The following PKNOX2 variants were observed in gnomAD, a reference collection of about 807,000 sequenced individuals.
The protein encoded by PKNOX2 is homeobox protein PKNOX2.
A neutral mutation model predicts 53.1 loss-of-function variants in PKNOX2; 14 were observed. The ratio of observed to expected loss-of-function variants is 0.26; its 90% CI spans 0.17 to 0.41. The LOEUF is 0.41. Among genes scored for constraint, PKNOX2 ranks in the 10% least tolerant of loss-of-function variants. PKNOX2 has a pLI of 1.00. For synonymous variants in PKNOX2, 257 were observed against 242.8 expected, an observed-to-expected ratio of 1.06 and a Z score of -0.54; for missense variants, 496 against 602.8, an observed-to-expected ratio of 0.82 and a Z score of 1.85.
chr11:125,218,249 C>G (rs900324583), intron 1 of PKNOX2, among the ~76,000 whole-genome samples: 1 of 152,016 alleles, frequency 6.6e-6, no homozygotes, highest in Non-Finnish European at 1.5e-5. Flanking sequence ...GGCCCCCGAG[C>G]TAAGTACTGG....
chr11:125,319,623 C>T (rs1245456434), intron 2 of PKNOX2, among the ~76,000 whole-genome samples: 4 of 152,152 alleles, frequency 2.6e-5, no homozygotes, highest in Admixed American at 2.0e-4. Flanking sequence ...AGAAAACAGG[C>T]ATTACTCAAA....
chr11:125,207,484 A>G (rs923733231), intron 1 of PKNOX2, among the ~76,000 whole-genome samples: 20 of 152,036 alleles, frequency 1.3e-4, no homozygotes, highest in Non-Finnish European at 2.5e-4. Context: ...CTGTGTTTAA[A>G]ACATGATGCG....
intron 2 of PKNOX2, among the ~76,000 whole-genome samples, chr11:125,295,876 C>T (rs1195624992): frequency 1.3e-5 from 2 of 152,150 alleles, no homozygotes; most frequent in African/African-American, 4.8e-5. Context: ...GTAGCTCGCC[C>T]CCGTTCAATA....
chr11:125,341,049 C>CAA (rs58556639), intron 3 of PKNOX2, among the ~76,000 whole-genome samples: 147 of 45,562 alleles, frequency 3.2e-3, no homozygotes, highest in Non-Finnish European at 4.7e-3. Context: ...GACTCCATCT[C>CAA]AAAAAAAAAA....
chr11:125,383,318 T>C (rs954978591), intron 5 of PKNOX2, among the ~76,000 whole-genome samples: 3 of 151,920 alleles, frequency 2.0e-5, no homozygotes, highest in Admixed American at 2.0e-4. Context: ...GCCTTACTTG[T>C]TGTGTTCTCG....
At position 125,325,072 on chromosome 11, in the gene PKNOX2, G is replaced by T. The variant is rs528444434; in HGVS notation, c.-129-6747G>T. Among the ~76,000 whole-genome samples, 6 of 152,312 alleles carry T rather than the reference G, an allele frequency of 3.9e-5. No homozygotes were observed. In the South Asian group the frequency reaches 1.2e-3, roughly 32 times the overall value. On this transcript the variant is annotated intron_variant, in intron 2 of 12. Coordinates refer to ENST00000298282, the MANE Select transcript of PKNOX2 (RefSeq NM_001382323.2). ...GGGCAAGTGAAAGGCTTTTTCTAAA[G>T]TCCCTTTCAAGTGGGCTGGTCTTAG...
intron 2 of PKNOX2, among the ~76,000 whole-genome samples, chr11:125,305,860 C>G (rs917012116): frequency 6.6e-6 from 1 of 152,164 alleles, no homozygotes; most frequent in African/African-American, 2.4e-5. Flanking sequence ...GCAGGAGACA[C>G]AAGCTCACTT....
intron 1 of PKNOX2, among the ~76,000 whole-genome samples, chr11:125,192,507 C>A (rs1363133305): frequency 6.6e-6 from 1 of 152,146 alleles, no homozygotes; most frequent in African/African-American, 2.4e-5. Context: ...CTGGCAGGAG[C>A]TAGGTCTGGG....
intron 1 of PKNOX2, among the ~76,000 whole-genome samples, chr11:125,225,445 T>C (rs548037875): frequency 6.6e-6 from 1 of 152,232 alleles, no homozygotes; most frequent in Non-Finnish European, 1.5e-5. Flanking sequence ...CTCTGAACTG[T>C]TTCTTCAAAT....
At chr11:125,356,714 T>C (rs1951638543) in intron 4 of PKNOX2, among the ~76,000 whole-genome samples, 1 of 152,212 alleles carries the variant, frequency 6.6e-6, no homozygotes, top group Non-Finnish European at 1.5e-5. Flanking sequence ...CTCCCTGTCC[T>C]AGCACCATCC....
chr11:125,234,523 T>C (rs1942504254), intron 1 of PKNOX2, among the ~76,000 whole-genome samples: 1 of 152,238 alleles, frequency 6.6e-6, no homozygotes, highest in Non-Finnish European at 1.5e-5. Flanking sequence ...CGCCTTCACT[T>C]GCAAGTTCTT....
intron 1 of PKNOX2, among the ~76,000 whole-genome samples, chr11:125,220,322 G>A (rs1014551837): frequency 6.6e-6 from 1 of 152,180 alleles, no homozygotes; most frequent in Admixed American, 6.5e-5. Flanking sequence ...CACAAACACT[G>A]TGCAAATCCC....
Position 125,166,375 on chromosome 11 carries a change from G to C in PKNOX2, c.-201+1599G>C, listed in dbSNP as rs1358869936. Among the ~76,000 whole-genome samples the C allele has an allele frequency of 6.6e-6, 1 of 152,230 alleles. No homozygotes were observed. The highest frequency in any genetic ancestry group is 1.5e-5 in the Non-Finnish European group (1 of 68,038). On this transcript the variant is annotated intron_variant, in intron 1 of 12. Transcript: ENST00000298282. The surrounding 1 kb of genome is among the most constrained non-coding windows in gnomAD (Gnocchi z 4.0). ...GAATTTTTGCTGCTTCCCCCTGAAA[G>C]TGTTTCTTTAGGAGGAGAGGACTTG...
In PKNOX2 at chr11:125,315,625, T is replaced by C. The variant is rs180695678; in HGVS notation, c.-129-16194T>C. On this transcript the variant is annotated intron_variant, in intron 2 of 12. Transcript: ENST00000298282. The stretch of plus-strand genomic sequence containing the variant: ...TGCAGGGCTGGGAGGGCTGAGTGCA[T>C]GGCAGCTAATGGTGTGTCTCTCACC... Among the ~76,000 whole-genome samples, 717 of 152,266 alleles carry C rather than the reference T, an allele frequency of 4.7e-3. 8 individuals are homozygous for C. The highest frequency in any genetic ancestry group is 4.8e-3 in the Non-Finnish European group (324 of 68,022).
chr11:125,222,659 TGTATGTGTGTGTGTATGTGTGTGC>T (rs1253021462), intron 1 of PKNOX2, among the ~76,000 whole-genome samples: 3 of 138,568 alleles, frequency 2.2e-5, no homozygotes, highest in Admixed American at 2.1e-4. Context: ...GTGTGTGCTG[TGTATGTGTGTGTGTATGTGTGTGC>T]GTATGTGTGT....
intron 2 of PKNOX2, among the ~76,000 whole-genome samples, chr11:125,296,983 AT>A (rs1947703597): frequency 6.6e-6 from 1 of 152,182 alleles, no homozygotes; most frequent in Non-Finnish European, 1.5e-5. Context: ...AAGACAGGGA[AT>A]TTGTTTTGTT....
chr11:125,374,451 G>A (rs927031525), intron 5 of PKNOX2, among the ~76,000 whole-genome samples: 2 of 152,178 alleles, frequency 1.3e-5, no homozygotes, highest in Non-Finnish European at 2.9e-5. Context: ...TATAGTCAGG[G>A]GGGTGATCCT....
rs542402654 is a variant in PKNOX2 at position 125,370,714 on chromosome 11, C to T, written c.227+2729C>T. ...CTCACCCATTAGTACCAGCCGCCCT[C>T]TCTGCAGCCATTGCCCCGGGATGAC... is the stretch of plus-strand genomic sequence containing the variant. On this transcript the variant is annotated intron_variant, in intron 5 of 12. Transcript: ENST00000298282. The surrounding 1 kb of genome is among the most constrained non-coding windows in gnomAD (Gnocchi z 4.1). 2.6e-5 allele frequency among the ~76,000 whole-genome samples: 4 copies of T among 152,376 alleles called. No homozygotes were observed. Among genetic ancestry groups the T allele is most frequent in the African/African-American group, 9.6e-5 (4 of 41,592 alleles).
intron 2 of PKNOX2, among the ~76,000 whole-genome samples, chr11:125,246,610 C>T (rs1374677525): frequency 6.6e-6 from 1 of 152,086 alleles, no homozygotes; most frequent in African/African-American, 2.4e-5. Context: ...GTCTGCTGTC[C>T]CACTTCCTCC....
Sources: gnomAD v4.1 joint callset for allele counts (sites outside exome capture counted in the v4.1 genomes callset) on GRCh38, gnomAD v4.1.1 for gene constraint, Gnocchi (gnomAD v3.1) non-coding constraint, MANE v1.5 for transcripts, NCBI Gene and HGNC (gene_info 2026-07-23, HGNC 2026-07-21) for gene names.